Variants in AGBL1 observed in about 807,000 individuals in gnomAD.
AGBL1 encodes the protein cytosolic carboxypeptidase 4.
AGBL1 carries 130 observed loss-of-function variants against 118.9 expected under a neutral mutation model. The ratio of observed to expected loss-of-function variants is 1.09; its 90% confidence interval spans 0.95 to 1.26. The LOEUF is 1.26. AGBL1 is among the 50% of genes most tolerant of loss of function. The pLI, the probability that AGBL1 is intolerant of heterozygous loss-of-function variation, is 0.00. For missense variants in AGBL1, 1,584 were observed against 1,298.1 expected (o/e 1.22, Z -3.38); for synonymous variants, 555 against 478.9 (o/e 1.16, Z -2.08).
chr15:86,747,297 T>A (rs1014300084), intron 22 of AGBL1, among the ~76,000 whole-genome samples: 1 of 152,108 alleles, frequency 6.6e-6, no homozygotes, highest in Admixed American at 6.6e-5. Flanking sequence ...CATGTCTCCA[T>A]TGTCTAGATG....
chr15:86,592,289 G>C (rs1007782515), intron 21 of AGBL1, among the ~76,000 whole-genome samples: 6 of 152,152 alleles, frequency 3.9e-5, no homozygotes, highest in African/African-American at 1.4e-4. Flanking sequence ...CTCGATTCTT[G>C]CCTCCTCAGA....
chr15:86,104,883 C>T (rs537778651), intron 1 of AGBL1, among the ~76,000 whole-genome samples: 1 of 152,160 alleles, frequency 6.6e-6, no homozygotes, highest in South Asian at 2.1e-4. Flanking sequence ...TTTCAGGGCC[C>T]ACAATGGTCA....
At chr15:86,651,730 ATCTC>A (rs1408242857) in intron 21 of AGBL1, among the ~76,000 whole-genome samples, 2 of 152,252 alleles carry the variant, frequency 1.3e-5, no homozygotes, top group East Asian at 1.9e-4. Flanking sequence ...CCAACTACTG[ATCTC>A]TCTGAGTGTT....
rs1479889605 is a variant in AGBL1, at chr15:86,522,895, A to G, written c.2641A>G (p.Lys881Glu). Reference protein sequence around the residue: ...AHLQPTIYHAKGLLYHLSSIG... With the variant: ...AHLQPTIYHAEGLLYHLSSIG... Reference sequence around the variant, plus strand: ...TCTGCAGCCAACCATTTACCATGCCAAAGGCCTCCTCTACCACCTGAGCAG... The same window carrying G: ...TCTGCAGCCAACCATTTACCATGCCGAAGGCCTCCTCTACCACCTGAGCAG... Residue 881 changes from lysine to glutamate, a missense_variant, in exon 19 of 23, where the codon AAA becomes GAA. By Grantham distance (56) the Lys-to-Glu change is moderately conservative. Transcript: ENST00000614907. 3 of 1,613,962 alleles carry G rather than the reference A, an allele frequency of 1.9e-6. No individual in the cohort carries two copies. Among genetic ancestry groups the G allele is most frequent in the Non-Finnish European group, 1.7e-6 (2 of 1,179,850 alleles).
At chr15:86,154,826 C>T (rs1365008788) in intron 4 of AGBL1, among the ~76,000 whole-genome samples, 5 of 152,072 alleles carry the variant, frequency 3.3e-5, no homozygotes, top group Non-Finnish European at 5.9e-5. Flanking sequence ...TTACACATTA[C>T]AGCATTGTAG....
intron 23 of AGBL1, among the ~76,000 whole-genome samples, chr15:86,926,017 G>C (rs944526979): frequency 6.6e-6 from 1 of 152,078 alleles, no homozygotes; most frequent in Non-Finnish European, 1.5e-5. Flanking sequence ...GGTGCGAAAA[G>C]GAGAGTCTGG....
intron 22 of AGBL1, among the ~76,000 whole-genome samples, chr15:86,894,065 G>A (rs189613968): frequency 6.6e-5 from 10 of 152,086 alleles, no homozygotes; most frequent in East Asian, 1.9e-4. Flanking sequence ...CTCCAATACC[G>A]CCTAAAGTGA....
rs116688498 is a variant in AGBL1, at chr15:86,438,435, C to A, written c.2555+40889C>A. Among the ~76,000 whole-genome samples the A allele has an allele frequency of 9.9e-3, 1,509 of 152,174 alleles. 29 individuals carry two copies. The highest frequency in any genetic ancestry group is 0.034 in the African/African-American group (1,420 of 41,512). ...TCTCTCTACTCCTTAAAATAACATT[C>A]GCTTTATCAGAAATGACCTCCTTAT... is the stretch of plus-strand genomic sequence containing the variant. On this transcript the variant is annotated intron_variant, in intron 18 of 22. Transcript: ENST00000614907.
chr15:86,925,768 T>C lies in AGBL1; in HGVS notation c.3222-62219T>C, dbSNP rs1393498628. 5.3e-5 allele frequency among the ~76,000 whole-genome samples: 8 copies of C among 150,696 alleles called. No individual in the cohort carries two copies. The East Asian group carries it at 9.7e-4, about 18-fold the overall frequency. Reference sequence around the variant, plus strand: ...ATTTTTGAGACAGAGTCTCACTCTGTCACCCAGGCTGGAGTGCAGTGGCGC... The same window carrying C: ...ATTTTTGAGACAGAGTCTCACTCTGCCACCCAGGCTGGAGTGCAGTGGCGC... On this transcript the variant is annotated intron_variant, in intron 23 of 24. Transcript: ENST00000441037.
At chr15:86,465,865 C>G (rs2082398576) in intron 18 of AGBL1, among the ~76,000 whole-genome samples, 1 of 152,174 alleles carries the variant, frequency 6.6e-6, no homozygotes, top group African/African-American at 2.4e-5. Flanking sequence ...CACTCTGCCT[C>G]TCTGCCCTTG....
At chr15:86,223,517 A>G (rs538337595) in intron 5 of AGBL1, among the ~76,000 whole-genome samples, 2 of 152,200 alleles carry the variant, frequency 1.3e-5, no homozygotes, top group Non-Finnish European at 2.9e-5. Context: ...TCCGTTTTCA[A>G]TCCACTGTTG....
intron 22 of AGBL1, among the ~76,000 whole-genome samples, chr15:86,853,399 T>C (rs1362746592): frequency 6.6e-6 from 1 of 152,154 alleles, no homozygotes; most frequent in Non-Finnish European, 1.5e-5. Context: ...CAGAAATAAA[T>C]AAAATTAGCT....
chr15:86,352,564 C>A (rs1232972018), intron 17 of AGBL1, among the ~76,000 whole-genome samples: 2 of 152,080 alleles, frequency 1.3e-5, no homozygotes, highest in African/African-American at 4.8e-5. Context: ...TCACTGCAAC[C>A]TCTGCCTCCC....
At chr15:86,845,798 T>C (rs942981419) in intron 22 of AGBL1, among the ~76,000 whole-genome samples, 3 of 152,250 alleles carry the variant, frequency 2.0e-5, no homozygotes, top group African/African-American at 7.2e-5. Flanking sequence ...GAATCCATTT[T>C]GGTAAATTGT....
At chr15:86,597,683 A>C (rs894379699) in intron 21 of AGBL1, among the ~76,000 whole-genome samples, 16 of 152,154 alleles carry the variant, frequency 1.1e-4, no homozygotes, top group Non-Finnish European at 1.5e-4. Flanking sequence ...GAGCCTACTT[A>C]CTCAGAGCTT....
chr15:86,447,425 C>G (rs1033867098), intron 18 of AGBL1, among the ~76,000 whole-genome samples: 1 of 152,116 alleles, frequency 6.6e-6, no homozygotes, highest in African/African-American at 2.4e-5. Context: ...GAAGCTGACA[C>G]CGTGGAAAGC....
intron 18 of AGBL1, among the ~76,000 whole-genome samples, chr15:86,502,034 G>A (rs1038146726): frequency 1.3e-5 from 2 of 151,610 alleles, no homozygotes; most frequent in Non-Finnish European, 3.0e-5. Flanking sequence ...AATCTGGGAA[G>A]TAGTGCCATT....
intron 17 of AGBL1, among the ~76,000 whole-genome samples, chr15:86,302,546 G>A (rs899163205): frequency 2.6e-5 from 4 of 152,040 alleles, no homozygotes; most frequent in Admixed American, 6.6e-5. Context: ...GGAGGCCGAG[G>A]TGGGTGGATC....
At chr15:86,702,938 A>G (rs2086385539) in intron 22 of AGBL1, among the ~76,000 whole-genome samples, 1 of 151,968 alleles carries the variant, frequency 6.6e-6, no homozygotes, top group African/African-American at 2.4e-5. Flanking sequence ...AAGAAATATA[A>G]TTCGAAGACT....
Sources: gnomAD v4.1 joint callset for allele counts (sites outside exome capture counted in the v4.1 genomes callset) on GRCh38, gnomAD v4.1.1 for gene constraint, MANE v1.5 for transcripts, NCBI Gene and HGNC (gene_info 2026-07-23, HGNC 2026-07-21) for gene names.